GPBP1: variants seen among roughly 807,000 people sequenced by gnomAD.
GPBP1 encodes the protein GC-rich promoter binding protein 1, also known as vasculin.
Under a neutral mutation model 56.5 loss-of-function variants are expected in GPBP1, and 13 were observed. The ratio of observed to expected loss-of-function variants is 0.23; its 90% CI spans 0.15 to 0.37. The LOEUF (loss-of-function observed/expected upper bound fraction) is 0.37, where lower values mean the gene tolerates loss of function less well. Among genes scored for constraint, GPBP1 ranks in the 10% least tolerant of loss-of-function variants. The probability of loss-of-function intolerance (pLI) is 1.00; values close to 1 mark genes in which losing one functional copy is unlikely to be tolerated. For missense variants in GPBP1, 477 were observed against 572.3 expected (o/e 0.83, Z 1.70); for synonymous variants, 204 against 188.9 (o/e 1.08, Z -0.66).
chr5:57,218,790 T>C (rs931487269), intron 3 of GPBP1, among the ~76,000 whole-genome samples: 3 of 152,214 alleles, frequency 2.0e-5, no homozygotes, highest in African/African-American at 7.2e-5. Flanking sequence ...AATTTGGCAT[T>C]TTGTTCTCCC....
intron 2 of GPBP1, among the ~76,000 whole-genome samples, chr5:57,206,118 C>A (rs540982844): frequency 1.3e-3 from 200 of 152,152 alleles, no homozygotes; most frequent in African/African-American, 4.6e-3. Context: ...TGTAAGAGTT[C>A]TTTATATATT....
At chr5:57,255,959 C>A (rs1487538960) in intron 10 of GPBP1, among the ~76,000 whole-genome samples, 1 of 151,956 alleles carries the variant, frequency 6.6e-6, no homozygotes, top group Non-Finnish European at 1.5e-5. Flanking sequence ...TAAGGCAAAT[C>A]AAGATGAAAA....
intron 3 of GPBP1, among the ~76,000 whole-genome samples, chr5:57,217,251 C>T (rs1022356848): frequency 6.6e-6 from 1 of 151,834 alleles, no homozygotes; most frequent in Admixed American, 6.6e-5. Context: ...ATGGGCCTTC[C>T]CTCCAGCATG....
chr5:57,248,376 C>T (rs1741190371), intron 8 of GPBP1, among the ~76,000 whole-genome samples: 1 of 150,958 alleles, frequency 6.6e-6, no homozygotes, highest in Non-Finnish European at 1.5e-5. Context: ...TATTATTATA[C>T]CTGAAATTGC....
At chr5:57,219,400 AAAACC>A (rs1755840075) in intron 3 of GPBP1, among the ~76,000 whole-genome samples, 1 of 60,076 alleles carries the variant, frequency 1.7e-5, no homozygotes, top group Non-Finnish European at 2.6e-5. Context: ...AAAAAAAAAA[AAAACC>A]AAAAACAAAC....
chr5:57,260,074 C>T (rs1741821655), intron 10 of GPBP1, among the ~76,000 whole-genome samples: 1 of 152,128 alleles, frequency 6.6e-6, no homozygotes. Context: ...CCATTGAAAG[C>T]TCTATTTTTG....
At chr5:57,247,807 G>A (rs901877013) in intron 8 of GPBP1, among the ~76,000 whole-genome samples, 3 of 152,080 alleles carry the variant, frequency 2.0e-5, no homozygotes, top group East Asian at 1.9e-4. Flanking sequence ...ACAGTGGCTC[G>A]TTTGTGGCTC....
At chr5:57,188,880 T>TC (rs1180533084) in intron 2 of GPBP1, among the ~76,000 whole-genome samples, 2 of 152,278 alleles carry the variant, frequency 1.3e-5, no homozygotes, top group East Asian at 3.9e-4. Flanking sequence ...CTTTCTTCTT[T>TC]CCCCCCATCT....
chr5:57,261,068 G>A, intron 10 of GPBP1, 112 bp from the exon 11 acceptor site: 1 of 694,180 alleles, frequency 1.4e-6, no homozygotes, highest in Non-Finnish European at 2.6e-6. Context: ...ATGTGTCTTG[G>A]GGTCTTTGTA....
intron 2 of GPBP1, among the ~76,000 whole-genome samples, chr5:57,197,981 T>C (rs1399516981): frequency 3.3e-5 from 5 of 152,148 alleles, no homozygotes; most frequent in Non-Finnish European, 7.4e-5. Flanking sequence ...CAAATATCTT[T>C]TGGTGCCAGA....
intron 10 of GPBP1, among the ~76,000 whole-genome samples, chr5:57,258,445 ATAG>A: frequency 6.6e-6 from 1 of 152,314 alleles, no homozygotes; most frequent in East Asian, 1.9e-4. Flanking sequence ...TGAATATTGT[ATAG>A]TATTTGTAAT....
rs182811567 is a variant in GPBP1 at position 57,245,087 on chromosome 5, G to C, written c.479-1213G>C. On this transcript the variant is annotated intron_variant, in intron 6 of 11. Transcript: ENST00000506184. ...TTGTTAACTTTGTTGTGTAATATCA[G>C]AAAAGCTATACTTTGGTAGTAATAC... Among the ~76,000 whole-genome samples, 411 of 152,254 alleles carry C rather than the reference G, an allele frequency of 2.7e-3. 5 individuals carry two copies. The highest frequency in any genetic ancestry group is 9.6e-3 in the African/African-American group (400 of 41,562).
chr5:57,191,973 A>C (rs1162698751), intron 2 of GPBP1, among the ~76,000 whole-genome samples: 1 of 152,258 alleles, frequency 6.6e-6, no homozygotes, highest in African/African-American at 2.4e-5. Context: ...GAGGATACTA[A>C]TGCAGATAAA....
At chr5:57,262,550 A>G (rs753769296) in intron 11 of GPBP1, 44 bp from the exon 12 acceptor site, 5 of 1,421,764 alleles carry the variant, frequency 3.5e-6, no homozygotes, top group Non-Finnish European at 4.9e-6. Context: ...GTAGGTTTGT[A>G]ACTCTTGAGG....
chr5:57,207,674 G>A (rs116274280), intron 2 of GPBP1, among the ~76,000 whole-genome samples: 1,667 of 152,262 alleles, frequency 0.011, 8 homozygotes, highest in Non-Finnish European at 0.017. Context: ...CTTGGAGAAC[G>A]AGTGCAAGGT....
At chr5:57,257,085 G>A (rs1741698679) in intron 10 of GPBP1, among the ~76,000 whole-genome samples, 1 of 151,582 alleles carries the variant, frequency 6.6e-6, no homozygotes, top group Admixed American at 6.6e-5. Flanking sequence ...ACAGGCTGGA[G>A]TACCGTGGTG....
intron 3 of GPBP1, 120 bp downstream of exon 3, chr5:57,214,313 C>T (rs557396936): frequency 7.7e-5 from 66 of 852,916 alleles, no homozygotes; most frequent in African/African-American, 3.5e-4. Context: ...TGGCTGGGCG[C>T]GGTGGCTCAC....
At chr5:57,211,121 T>A (rs1755456984) in intron 2 of GPBP1, among the ~76,000 whole-genome samples, 1 of 151,784 alleles carries the variant, frequency 6.6e-6, no homozygotes, top group Non-Finnish European at 1.5e-5. Context: ...TTAGCCTTTA[T>A]ATACTTGTGT....
chr5:57,258,058 G>C (rs1273128970), intron 10 of GPBP1, among the ~76,000 whole-genome samples: 1 of 152,194 alleles, frequency 6.6e-6, no homozygotes, highest in African/African-American at 2.4e-5. Context: ...TGAGGAATTT[G>C]AATTTGTGAC....
Sources: allele counts gnomAD v4.1 joint callset (sites outside exome capture counted in the v4.1 genomes callset), GRCh38; gene constraint gnomAD v4.1.1; transcripts MANE v1.5; gene names NCBI Gene and HGNC (gene_info 2026-07-23, HGNC 2026-07-21).